KALRN: variants seen among roughly 807,000 people sequenced by gnomAD.
KALRN encodes the protein kalirin.
Under a neutral mutation model 353.7 loss-of-function variants are expected in KALRN, and 70 were observed. The ratio of observed to expected loss-of-function variants is 0.20; its 90% CI spans 0.16 to 0.24. KALRN has a LOEUF of 0.24. Among genes scored for constraint, KALRN ranks in the 10% least tolerant of loss-of-function variants. KALRN has a pLI of 1.00. For missense variants in KALRN, 2,791 were observed against 3,756.7 expected (o/e 0.74, Z 6.72); for synonymous variants, 1,391 against 1,434.8 (o/e 0.97, Z 0.69).
At position 124,318,439 on chromosome 3, in the gene KALRN, A is replaced by G. The variant is rs369782993; in HGVS notation, c.1093-7541A>G. Among the ~76,000 whole-genome samples the G allele has an allele frequency of 1.4e-4, 21 of 152,308 alleles. No individual in the cohort carries two copies. The East Asian group carries it at 3.9e-3, about 28-fold the overall frequency. On this transcript the variant is annotated intron_variant, in intron 6 of 59. Coordinates refer to ENST00000682506, the MANE Select transcript of KALRN (RefSeq NM_001388419.1). ...GACAGTTCTTATTCCAGATGTTACT[A>G]TCCCAGTGTCCATATGTTTCGAGGT... is the stretch of plus-strand genomic sequence containing the variant.
At chr3:124,281,406 G>A (rs1389097451) in intron 5 of KALRN, among the ~76,000 whole-genome samples, 3 of 152,218 alleles carry the variant, frequency 2.0e-5, no homozygotes, top group Non-Finnish European at 2.9e-5. Flanking sequence ...GGTGGCAAGA[G>A]GGGGTACAAA....
chr3:124,132,906 T>A (rs1252835484), intron 1 of KALRN: 2 of 154,240 alleles, frequency 1.3e-5, no homozygotes, highest in Non-Finnish European at 2.9e-5. Context: ...GCATTTACAC[T>A]GTTTTCTCTG....
chr3:124,488,401 T>C (rs2062786113), intron 29 of KALRN, 86 bp downstream of exon 29: 1 of 888,294 alleles, frequency 1.1e-6, no homozygotes, highest in Non-Finnish European at 1.9e-6. Context: ...GGCATGAAGT[T>C]AGACAAGGTG....
At chr3:124,650,561 A>T (rs1392911) in intron 37 of KALRN, among the ~76,000 whole-genome samples, 1 of 152,168 alleles carries the variant, frequency 6.6e-6, no homozygotes, top group South Asian at 2.1e-4. Flanking sequence ...TGACAATTTC[A>T]TTATGTCTGG....
intron 9 of KALRN, among the ~76,000 whole-genome samples, chr3:124,346,742 G>A (rs1421758141): frequency 2.0e-5 from 3 of 152,152 alleles, no homozygotes; most frequent in Non-Finnish European, 4.4e-5. Flanking sequence ...CAGCGTGACG[G>A]ATGAGTAATG....
intron 1 of KALRN, among the ~76,000 whole-genome samples, chr3:124,217,904 T>G (rs1042476361): frequency 1.3e-5 from 2 of 152,244 alleles, no homozygotes; most frequent in African/African-American, 4.8e-5. Context: ...GTGCCCAGTC[T>G]GTGCCAGTGT....
At chr3:124,159,171 T>C (rs2069501096) in intron 1 of KALRN, among the ~76,000 whole-genome samples, 1 of 152,172 alleles carries the variant, frequency 6.6e-6, no homozygotes. Context: ...TGAGCTCACC[T>C]CCCTCCATCT....
intron 34 of KALRN, among the ~76,000 whole-genome samples, chr3:124,618,086 C>CTTTTTTTTTTT (rs71145464): frequency 1.3e-4 from 8 of 63,354 alleles, no homozygotes; most frequent in Non-Finnish European, 2.2e-4. Flanking sequence ...GTGCAGAAAT[C>CTTTTTTTTTTT]TTTTTTTTTT....
intron 1 of KALRN, among the ~76,000 whole-genome samples, chr3:124,041,299 C>T (rs531014992): frequency 1.1e-4 from 17 of 152,234 alleles, no homozygotes; most frequent in African/African-American, 3.1e-4. Flanking sequence ...AATAGCCCCC[C>T]GCCCCAACCC....
chr3:124,365,076 G>C (rs922759743), intron 10 of KALRN, among the ~76,000 whole-genome samples: 4 of 152,094 alleles, frequency 2.6e-5, no homozygotes, highest in Admixed American at 6.5e-5. Flanking sequence ...TTGTGCTACT[G>C]TCACCCTTCA....
At chr3:124,529,427 A>G (rs1164327853) in intron 33 of KALRN, among the ~76,000 whole-genome samples, 1 of 152,146 alleles carries the variant, frequency 6.6e-6, no homozygotes, top group African/African-American at 2.4e-5. Context: ...TTGATAATGC[A>G]AGAGTGGAAG....
rs1316799891 is a variant in KALRN at position 124,152,511 on chromosome 3, A to T, written c.74-75479A>T. The T allele has an allele frequency of 5.2e-5, 40 of 768,610 alleles. No individual in the cohort carries two copies. The African/African-American group carries it at 6.2e-4, about 12-fold the overall frequency. The allele number at this position is 768,610 out of a possible 1,614,324, so 47.6% of individuals were successfully genotyped here. On this transcript the variant is annotated intron_variant, in intron 1 of 59. Coordinates refer to ENST00000682506, the MANE Select transcript of KALRN (RefSeq NM_001388419.1). Reference sequence around the variant, plus strand: ...GAATTTCAGTTCTGTACATCTGCCTATATTCCTTGTTACAGTGCTTTTCTT... The same window carrying T: ...GAATTTCAGTTCTGTACATCTGCCTTTATTCCTTGTTACAGTGCTTTTCTT...
chr3:124,658,357 C>T, intron 41 of KALRN, 74 bp from the exon 42 acceptor site: 2 of 1,136,854 alleles, frequency 1.8e-6, no homozygotes, highest in African/African-American at 1.5e-5. Context: ...ACGTGGAGGC[C>T]AGCACGGCAC....
intron 33 of KALRN, among the ~76,000 whole-genome samples, chr3:124,550,989 AAAATAAAT>A (rs373969743): frequency 1.3e-5 from 2 of 152,102 alleles, no homozygotes; most frequent in African/African-American, 4.8e-5. Context: ...ACTCCGTCTC[AAAATAAAT>A]AAATAAATAA....
At chr3:124,471,835 C>T (rs1187580620) in intron 25 of KALRN, among the ~76,000 whole-genome samples, 3 of 151,652 alleles carry the variant, frequency 2.0e-5, no homozygotes, top group East Asian at 2.0e-4. Flanking sequence ...GGCGTGGTGG[C>T]GGGCGCTTGC....
At chr3:124,648,056 A>T (rs2082978306) in intron 37 of KALRN, among the ~76,000 whole-genome samples, 1 of 152,244 alleles carries the variant, frequency 6.6e-6, no homozygotes, top group South Asian at 2.1e-4. Flanking sequence ...ACTGTGGCAG[A>T]AACCTGGCCA....
chr3:124,550,913 C>T (rs1387988582), intron 33 of KALRN, among the ~76,000 whole-genome samples: 6 of 152,012 alleles, frequency 3.9e-5, no homozygotes, highest in Non-Finnish European at 4.4e-5. Context: ...GGCATGAACC[C>T]GGGAGATGGA....
rs1345658046 is a variant in KALRN, at chr3:124,368,231, G to A, written c.1771-16614G>A. Among the ~76,000 whole-genome samples the A allele has an allele frequency of 2.1e-5, 3 of 142,576 alleles. 1 individual carries two copies. The highest frequency in any genetic ancestry group is 6.7e-5 in the Admixed American group (1 of 14,824). 93.5% of individuals were successfully genotyped at this position (142,576 alleles called of 152,430 possible). ...CCCTCCCGGACAGCACGGCTGGCCA[G>A]GCGGGGGGCTGACCCCCCCACCTCC... On this transcript the variant is annotated intron_variant, in intron 10 of 59. Transcript: ENST00000682506.
intron 1 of KALRN, among the ~76,000 whole-genome samples, chr3:124,216,420 A>C (rs1240136913): frequency 1.3e-5 from 2 of 152,180 alleles, no homozygotes; most frequent in Non-Finnish European, 2.9e-5. Context: ...TCCCGTTGAA[A>C]ATCTGTTGAC....
Sources: gnomAD v4.1 joint callset for allele counts (sites outside exome capture counted in the v4.1 genomes callset) on GRCh38, gnomAD v4.1.1 for gene constraint, MANE v1.5 for transcripts, NCBI Gene and HGNC (gene_info 2026-07-23, HGNC 2026-07-21) for gene names.